TECTB: variants seen among roughly 807,000 people sequenced by gnomAD.
TECTB encodes tectorin beta.
TECTB carries 45 observed loss-of-function variants against 43.3 expected under a neutral mutation model. The observed-to-expected ratio is 1.04, with a 90% CI of 0.82 to 1.33. The LOEUF (loss-of-function observed/expected upper bound fraction) is 1.33, where lower values mean the gene tolerates loss of function less well. Among genes scored for constraint, TECTB ranks in the 40% most tolerant of loss-of-function variants. The probability of loss-of-function intolerance (pLI) is 0.00; values close to 1 mark genes in which losing one functional copy is unlikely to be tolerated. For synonymous variants in TECTB, 169 were observed against 156.7 expected (o/e 1.08, Z -0.59); for missense variants, 399 against 404.7 (o/e 0.99, Z 0.12).
intron 7 of TECTB, among the ~76,000 whole-genome samples, chr10:112,296,994 C>T (rs1198838082): frequency 6.6e-6 from 1 of 152,186 alleles, no homozygotes; most frequent in African/African-American, 2.4e-5. Flanking sequence ...TAACAAACCC[C>T]CACAATAGTG....
intron 5 of TECTB, among the ~76,000 whole-genome samples, chr10:112,288,208 T>A (rs1023458328): frequency 4.9e-4 from 75 of 152,152 alleles, no homozygotes; most frequent in African/African-American, 1.7e-3. Flanking sequence ...CCCATGAAGG[T>A]TTTACAATAG....
intron 10 of TECTB, 119 bp from the exon 11 acceptor site, chr10:112,303,144 G>A (rs1848626604): frequency 3.3e-6 from 4 of 1,225,872 alleles, no homozygotes; most frequent in East Asian, 2.3e-5. Context: ...GAACAAAATC[G>A]ACTTTGTCTA....
intron 2 of TECTB, 58 bp downstream of exon 2, chr10:112,283,868 A>C: frequency 6.4e-7 from 1 of 1,562,744 alleles, no homozygotes; most frequent in African/African-American, 1.4e-5. Flanking sequence ...GTTTCCTTTT[A>C]CAATGCTCAG....
intron 9 of TECTB, among the ~76,000 whole-genome samples, chr10:112,300,338 AAAAG>A (rs1361539054): frequency 7.1e-5 from 10 of 140,312 alleles, no homozygotes; most frequent in South Asian, 5.0e-4. Flanking sequence ...AAAAGAAAAG[AAAAG>A]AAAGAAGGAA....
chr10:112,293,300 T>G (rs1848515633), intron 5 of TECTB, among the ~76,000 whole-genome samples: 1 of 149,166 alleles, frequency 6.7e-6, no homozygotes, highest in African/African-American at 2.4e-5. Flanking sequence ...TCTGGGAATC[T>G]GATCCTACAC....
chr10:112,291,334 C>T (rs1381785461), intron 5 of TECTB, among the ~76,000 whole-genome samples: 2 of 152,198 alleles, frequency 1.3e-5, no homozygotes, highest in Non-Finnish European at 2.9e-5. Context: ...TTTGACCCAG[C>T]AATCCCATTA....
At chr10:112,297,019 C>G (rs907544382) in intron 7 of TECTB, among the ~76,000 whole-genome samples, 2 of 152,220 alleles carry the variant, frequency 1.3e-5, no homozygotes, top group Non-Finnish European at 2.9e-5. Flanking sequence ...CTTCTCTGTA[C>G]AGTCCCAAGA....
Position 112,300,224 on chromosome 10 carries a change from A to C in TECTB, c.907+660A>C, listed in dbSNP as rs1461969414. Among the ~76,000 whole-genome samples the C allele has an allele frequency of 2.9e-3, 193 of 66,952 alleles. 10 individuals carry two copies. The South Asian group carries it at 0.084, about 29-fold the overall frequency. The allele number at this position is 66,952 out of a possible 152,430, so 43.9% of individuals were successfully genotyped here. A position where few individuals can be genotyped will look rare whatever the true frequency, so the allele number is the denominator to read the frequency against. ...AAAGAGAGACAGACAGACAGACAGA[A>C]AGAAATAAAGAAAGAAAGAAAGAAA... On this transcript the variant is annotated intron_variant, in intron 9 of 10. Coordinates refer to ENST00000646139, the MANE Select transcript of TECTB (RefSeq NM_058222.3).
chr10:112,291,586 A>G (rs1474503878), intron 5 of TECTB, among the ~76,000 whole-genome samples: 1 of 152,218 alleles, frequency 6.6e-6, no homozygotes, highest in Non-Finnish European at 1.5e-5. Context: ...TCCTTGCTGA[A>G]ATCCGTTCCT....
rs1436550317 is a variant in TECTB, at chr10:112,304,024, C to G, written c.*712C>G. On this transcript the variant is annotated 3_prime_UTR_variant, in exon 11 of 11. Coordinates refer to ENST00000646139, the MANE Select transcript of TECTB (RefSeq NM_058222.3). Reference sequence around the variant, plus strand: ...TACTTCTAAAGTCAAAAGAAAATTACAAATTAAATAGGAATATTTACAAAA... The same window carrying G: ...TACTTCTAAAGTCAAAAGAAAATTAGAAATTAAATAGGAATATTTACAAAA... 1.3e-5 allele frequency: 2 copies of G among 152,086 alleles called. No individual in the cohort carries two copies. Among genetic ancestry groups the G allele is most frequent in the African/African-American group, 4.8e-5 (2 of 41,416 alleles). 9.4% of individuals were successfully genotyped at this position (152,086 alleles called of 1,614,324 possible).
At chr10:112,300,402 C>A (rs1268027660) in intron 9 of TECTB, among the ~76,000 whole-genome samples, 1 of 151,796 alleles carries the variant, frequency 6.6e-6, no homozygotes, top group African/African-American at 2.4e-5. Context: ...ATGTGCAAGT[C>A]AAAAAACCTT....
intron 5 of TECTB, among the ~76,000 whole-genome samples, chr10:112,291,794 G>C (rs1484383180): frequency 6.6e-6 from 1 of 152,084 alleles, no homozygotes; most frequent in East Asian, 1.9e-4. Context: ...TGGAAGCTCG[G>C]GTTAGCCCAG....
chr10:112,301,733 TTTTATTTA>T (rs59706009), intron 9 of TECTB, among the ~76,000 whole-genome samples: 1,882 of 152,156 alleles, frequency 0.012, 38 homozygotes, highest in African/African-American at 0.043. Context: ...AGGTTTTGTG[TTTTATTTA>T]TTTATTTATA....
chr10:112,297,088 T>C (rs1000381436), intron 7 of TECTB, among the ~76,000 whole-genome samples: 3 of 152,286 alleles, frequency 2.0e-5, no homozygotes, highest in East Asian at 1.9e-4. Context: ...CATCAGTCTT[T>C]GTTAAATGAA....
intron 5 of TECTB, among the ~76,000 whole-genome samples, chr10:112,287,874 T>C (rs374349739): frequency 6.6e-6 from 1 of 152,130 alleles, no homozygotes; most frequent in Non-Finnish European, 1.5e-5. Flanking sequence ...TAAAGAGGGC[T>C]CTCCACATTG....
chr10:112,302,192 T>G lies in TECTB; in HGVS notation c.940+59T>G, dbSNP rs1041569877. The G allele has an allele frequency of 1.3e-5, 20 of 1,586,096 alleles. No individual in the cohort carries two copies. The African/African-American group carries it at 2.7e-4, about 22-fold the overall frequency. On this transcript the variant is annotated intron_variant, in intron 10 of 10. Transcript: ENST00000646139. ...GGCTATGCTGTTAAAAGGCAGAGAG[T>G]GTTTTAAGAGAAGCTTAACTTTGGC...
intron 10 of TECTB, chr10:112,302,784 C>T (rs917268708): frequency 5.8e-5 from 10 of 173,094 alleles, no homozygotes; most frequent in South Asian, 3.6e-4. Context: ...CAATGGGGGA[C>T]GTGATTTAGA....
intron 5 of TECTB, 71 bp downstream of exon 5, chr10:112,286,462 C>T (rs557242518): frequency 8.0e-6 from 12 of 1,492,284 alleles, no homozygotes; most frequent in African/African-American, 5.5e-5. Flanking sequence ...GATGCTTCCT[C>T]GGGATTCAGT....
intron 9 of TECTB, among the ~76,000 whole-genome samples, chr10:112,300,279 A>AAAGAAAGAAAGAAAGAAAGAAAGAAAG (rs1361291056): frequency 1.4e-4 from 7 of 48,388 alleles, no homozygotes; most frequent in African/African-American, 3.6e-4. Flanking sequence ...AGAAAGAAAG[A>AAAGAAAGAAAGAAAGAAAGAAAGAAAG]AAAGAAAGAA....
Sources: gnomAD v4.1 joint callset for allele counts (sites outside exome capture counted in the v4.1 genomes callset) on GRCh38, gnomAD v4.1.1 for gene constraint, MANE v1.5 for transcripts, NCBI Gene and HGNC (gene_info 2026-07-23, HGNC 2026-07-21) for gene names.